Variants in FAAH2 observed in about 807,000 individuals in gnomAD.
FAAH2 encodes fatty acid amide hydrolase 2.
A neutral mutation model predicts 36.9 loss-of-function variants in FAAH2; 60 were observed. That is an observed-to-expected ratio of 1.63 (90% CI 1.32 to 2.02). The LOEUF (loss-of-function observed/expected upper bound fraction) is 2.02, where lower values mean the gene tolerates loss of function less well. Ranked by LOEUF, FAAH2 falls within the 30% of genes most tolerant of loss-of-function variation. FAAH2 has a pLI of 0.00. For missense variants in FAAH2, 689 were observed against 397.5 expected (o/e 1.73, Z -6.23); for synonymous variants, 214 against 143.8 (o/e 1.49, Z -3.49).
At chrX:57,214,749 C>T in the FAAH2 span, among the ~76,000 whole-genome samples, 1 of 111,643 alleles carries the variant, frequency 9.0e-6, no homozygotes, top group South Asian at 3.7e-4. Flanking sequence ...TACATTGTTA[C>T]TATACAGAAA....
intron 7 of FAAH2, among the ~76,000 whole-genome samples, chrX:57,398,963 T>A (rs777614170): frequency 9.0e-6 from 1 of 111,231 alleles, no homozygotes; most frequent in Non-Finnish European, 1.9e-5. Context: ...TCCTGCTGAA[T>A]TGGGGCATAG....
At chrX:57,190,444 G>GAAAAA in the FAAH2 span, among the ~76,000 whole-genome samples, 1 of 68,976 alleles carries the variant, frequency 1.4e-5, no homozygotes. Flanking sequence ...CACTGTGGTA[G>GAAAAA]AAAAAAAAAA....
chrX:57,419,621 G>C (rs1374973976), intron 7 of FAAH2, among the ~76,000 whole-genome samples: 56 of 111,298 alleles, frequency 5.0e-4, no homozygotes, highest in Admixed American at 1.1e-3. Context: ...GATATTAGCC[G>C]TTTGTCAGAT....
the FAAH2 span, among the ~76,000 whole-genome samples, chrX:57,222,009 T>C: frequency 9.0e-6 from 1 of 110,762 alleles, no homozygotes; most frequent in Non-Finnish European, 1.9e-5. Context: ...TTAAACTTCT[T>C]CCCAAAATGC....
At chrX:57,350,341 A>T (rs1284953934) in intron 5 of FAAH2, among the ~76,000 whole-genome samples, 1 of 110,590 alleles carries the variant, frequency 9.0e-6, no homozygotes, top group Non-Finnish European at 1.9e-5. Context: ...AAAACACACA[A>T]AAATAGAACT....
the FAAH2 span, among the ~76,000 whole-genome samples, chrX:57,123,276 G>A: frequency 9.0e-6 from 1 of 111,644 alleles, no homozygotes; most frequent in Non-Finnish European, 1.9e-5. Flanking sequence ...CCTTGCGATA[G>A]TTTGCTGAGA....
At chrX:57,431,257 A>G (rs1463664478) in intron 7 of FAAH2, among the ~76,000 whole-genome samples, 1 of 111,802 alleles carries the variant, frequency 8.9e-6, no homozygotes, top group African/African-American at 3.3e-5. Flanking sequence ...TCTAGAAGCA[A>G]AGAAGGGTGG....
At chrX:57,165,122 G>T in the FAAH2 span, among the ~76,000 whole-genome samples, 2 of 112,576 alleles carry the variant, frequency 1.8e-5, no homozygotes, top group African/African-American at 3.2e-5. Flanking sequence ...CATTGTGGAA[G>T]TCAGTGTGGC....
intron 3 of FAAH2, among the ~76,000 whole-genome samples, chrX:57,325,016 C>T (rs960726529): frequency 2.0e-4 from 22 of 112,094 alleles, no homozygotes; most frequent in African/African-American, 5.5e-4. Context: ...TACGTCCCAT[C>T]AATACCTAAT....
the FAAH2 span, among the ~76,000 whole-genome samples, chrX:57,234,407 T>G: frequency 2.7e-5 from 3 of 112,021 alleles, no homozygotes; most frequent in Non-Finnish European, 5.6e-5. Flanking sequence ...TAAGGTTAAC[T>G]TTAAATGTAA....
intron 7 of FAAH2, among the ~76,000 whole-genome samples, chrX:57,429,706 A>T (rs1466082399): frequency 9.0e-6 from 1 of 111,098 alleles, no homozygotes; most frequent in African/African-American, 3.3e-5. Context: ...AATAAATTTT[A>T]TACAAAAGGA....
chrX:57,398,201 G>A (rs909627169), intron 7 of FAAH2, among the ~76,000 whole-genome samples: 6 of 112,202 alleles, frequency 5.3e-5, no homozygotes, highest in Admixed American at 9.4e-5. Context: ...ACATGCACAC[G>A]TATGTTTATT....
At chrX:57,282,260 A>T (rs77107879), upstream of FAAH2, among the ~76,000 whole-genome samples, 1 of 112,098 alleles carries the variant, frequency 8.9e-6, no homozygotes, top group Admixed American at 9.5e-5. Flanking sequence ...AATAATAGCC[A>T]TTCTGACTAT....
chrX:57,131,345 A>G, the FAAH2 span, among the ~76,000 whole-genome samples: 1 of 109,034 alleles, frequency 9.2e-6, no homozygotes, highest in South Asian at 4.0e-4. Context: ...TCGGCCTCCC[A>G]AAGTGCTGGG....
At chrX:57,404,530 G>A (rs908093003) in intron 7 of FAAH2, among the ~76,000 whole-genome samples, 1 of 111,559 alleles carries the variant, frequency 9.0e-6, no homozygotes, top group African/African-American at 3.3e-5. Context: ...GTAGGGAATG[G>A]GTCCCACATA....
the FAAH2 span, among the ~76,000 whole-genome samples, chrX:57,139,549 GTTCACGCCATTCTC>G: frequency 3.6e-5 from 4 of 111,204 alleles, no homozygotes; most frequent in Non-Finnish European, 7.5e-5. Flanking sequence ...CTTCTCCTGG[GTTCACGCCATTCTC>G]CTGCCTCAGC....
At chrX:57,370,634 G>A (rs1459979185) in intron 5 of FAAH2, among the ~76,000 whole-genome samples, 1 of 112,082 alleles carries the variant, frequency 8.9e-6, no homozygotes, top group African/African-American at 3.2e-5. Context: ...CCCAGGCCAT[G>A]GACCAGTACC....
the FAAH2 span, among the ~76,000 whole-genome samples, chrX:57,224,314 G>A: frequency 3.6e-5 from 4 of 111,624 alleles, no homozygotes; most frequent in Admixed American, 9.5e-5. Flanking sequence ...ATACCAACCC[G>A]TCTCTCAACA....
At chrX:57,467,678 G>C (rs927896580) in intron 10 of FAAH2, among the ~76,000 whole-genome samples, 3 of 111,920 alleles carry the variant, frequency 2.7e-5, no homozygotes, top group African/African-American at 9.7e-5. Context: ...CTGGGGGCAG[G>C]GCATAGCCAA....
Sources: allele counts gnomAD v4.1 joint callset (sites outside exome capture counted in the v4.1 genomes callset), GRCh38; gene constraint gnomAD v4.1.1; transcripts MANE v1.5; gene names NCBI Gene and HGNC (gene_info 2026-07-23, HGNC 2026-07-21).